The following ESRRG variants were observed in gnomAD, a reference collection of about 807,000 sequenced individuals.
ESRRG encodes estrogen-related receptor gamma.
In ESRRG, 13 loss-of-function variants were observed where a neutral mutation model predicts 44.0. The observed-to-expected ratio is 0.30, with a 90% confidence interval of 0.19 to 0.47. The LOEUF (loss-of-function observed/expected upper bound fraction) is 0.47, where lower values mean the gene tolerates loss of function less well. Ranked by LOEUF, ESRRG falls within the 20% of genes least tolerant of loss-of-function variation. The pLI, the probability that ESRRG is intolerant of heterozygous loss-of-function variation, is 1.00. For synonymous variants in ESRRG, 215 were observed against 214.6 expected, an observed-to-expected ratio of 1.00 and a Z score of -0.02; for missense variants, 395 against 580.6, an observed-to-expected ratio of 0.68 and a Z score of 3.29.
chr1:217,044,032 AGT>A (rs776756464), intron 1 of ESRRG, among the ~76,000 whole-genome samples: 99 of 152,322 alleles, frequency 6.5e-4, no homozygotes, highest in Non-Finnish European at 1.2e-3. Context: ...AGAAAAAAAA[AGT>A]GTGGATCATT....
chr1:217,031,209 G>A (rs554381486), intron 1 of ESRRG, among the ~76,000 whole-genome samples: 8 of 152,196 alleles, frequency 5.3e-5, no homozygotes, highest in South Asian at 2.1e-4. Flanking sequence ...TTACTATCTC[G>A]CCCTTTACAA....
At chr1:216,649,040 C>A (rs982105547) in intron 3 of ESRRG, among the ~76,000 whole-genome samples, 1 of 152,078 alleles carries the variant, frequency 6.6e-6, no homozygotes, top group East Asian at 1.9e-4. Flanking sequence ...ATAAAGAGCT[C>A]CACTTCACAA....
At chr1:216,533,179 C>A (rs1314716737) in intron 5 of ESRRG, among the ~76,000 whole-genome samples, 2 of 151,866 alleles carry the variant, frequency 1.3e-5, no homozygotes, top group East Asian at 3.9e-4. Flanking sequence ...ACTTTAGTTT[C>A]TGTTATTATT....
At chr1:217,073,982 TA>T (rs1018271644) in intron 1 of ESRRG, among the ~76,000 whole-genome samples, 1 of 152,112 alleles carries the variant, frequency 6.6e-6, no homozygotes, top group Admixed American at 6.5e-5. Context: ...TACTGCTTTT[TA>T]GTATATATGA....
intron 2 of ESRRG, among the ~76,000 whole-genome samples, chr1:216,745,037 C>T (rs1223280840): frequency 6.6e-6 from 1 of 152,148 alleles, no homozygotes; most frequent in Admixed American, 6.5e-5. Flanking sequence ...AGCCCAGGGT[C>T]TCAATTTTTC....
intron 2 of ESRRG, 46 bp downstream of exon 2, chr1:216,677,030 A>G: frequency 1.4e-6 from 2 of 1,450,404 alleles, no homozygotes; most frequent in Non-Finnish European, 1.9e-6. Context: ...AAAACCCATC[A>G]TGTGAGGTTG....
chr1:216,584,802 G>A (rs964244619), intron 3 of ESRRG, among the ~76,000 whole-genome samples: 2 of 152,146 alleles, frequency 1.3e-5, no homozygotes, highest in Non-Finnish European at 2.9e-5. Flanking sequence ...ATAGAGCTCA[G>A]CTCTATAATT....
chr1:217,079,092 C>T (rs971083648), intron 1 of ESRRG, among the ~76,000 whole-genome samples: 1 of 152,088 alleles, frequency 6.6e-6, no homozygotes, highest in African/African-American at 2.4e-5. Context: ...AAATTCTAGA[C>T]CTTACCAACT....
chr1:216,826,201 A>AC (rs1553632246), intron 2 of ESRRG, among the ~76,000 whole-genome samples: 21 of 149,352 alleles, frequency 1.4e-4, no homozygotes, highest in South Asian at 2.1e-4. Flanking sequence ...AAAAAAAAAA[A>AC]AACACACACA....
intron 1 of ESRRG, among the ~76,000 whole-genome samples, chr1:216,971,837 T>C (rs1363348607): frequency 6.6e-6 from 1 of 152,210 alleles, no homozygotes; most frequent in African/African-American, 2.4e-5. Flanking sequence ...TTGTCTTCTT[T>C]TAATTGAAAT....
At chr1:216,936,862 G>A (rs2064229071) in intron 2 of ESRRG, among the ~76,000 whole-genome samples, 1 of 152,014 alleles carries the variant, frequency 6.6e-6, no homozygotes. Flanking sequence ...TTGCCACCTT[G>A]CACCCTTTCT....
At chr1:216,901,950 ATG>A (rs2059129038) in intron 2 of ESRRG, among the ~76,000 whole-genome samples, 1 of 151,884 alleles carries the variant, frequency 6.6e-6, no homozygotes, top group Non-Finnish European at 1.5e-5. Context: ...TTTTATAGAG[ATG>A]GAATCTCACT....
chr1:216,604,953 G>A (rs961562953), intron 3 of ESRRG, among the ~76,000 whole-genome samples: 5 of 152,142 alleles, frequency 3.3e-5, no homozygotes, highest in African/African-American at 7.2e-5. Flanking sequence ...TAGCTTTAGG[G>A]CTTCTTTGGC....
Position 216,507,178 on chromosome 1 carries a change from T to C in ESRRG, c.1138A>G (p.Met380Val). 9 of 1,605,572 alleles carry C rather than the reference T, an allele frequency of 5.6e-6. No individual in the cohort carries two copies. Among genetic ancestry groups the C allele is most frequent in the Non-Finnish European group, 6.8e-6 (8 of 1,175,226 alleles). The change falls in exon 7 of 7, where the codon ATG (methionine) becomes GTG (valine). Residue 380 changes from methionine (M) to valine (V), a missense_variant. Physicochemically the swap from Met to Val is conservative, Grantham distance 21. Coordinates refer to ENST00000408911, the MANE Select transcript of ESRRG (RefSeq NM_001438.4). ...ACGGCTTCAACATCTTCTATGTGCA[T>C]GGAGTCTGTGCAATGAAGCAAAAGA... Reference protein sequence around the residue: ...KAIALANSDSMHIEDVEAVQK... With the variant: ...KAIALANSDSVHIEDVEAVQK...
At chr1:216,787,751 A>AG (rs1342011036) in intron 2 of ESRRG, among the ~76,000 whole-genome samples, 3 of 152,120 alleles carry the variant, frequency 2.0e-5, no homozygotes, top group African/African-American at 7.2e-5. Flanking sequence ...GCCATAAGCT[A>AG]GGCTTCTTGC....
intron 1 of ESRRG, among the ~76,000 whole-genome samples, chr1:217,050,450 G>A (rs777588883): frequency 3.9e-5 from 6 of 152,182 alleles, no homozygotes; most frequent in African/African-American, 7.2e-5. Context: ...TTGAACAAGA[G>A]GAGCCAGGCA....
chr1:216,881,655 A>C (rs2096450482), intron 2 of ESRRG, among the ~76,000 whole-genome samples: 1 of 152,150 alleles, frequency 6.6e-6, no homozygotes, highest in Admixed American at 6.5e-5. Context: ...ACAACAAAAA[A>C]TGGGATTCAT....
At chr1:216,706,933 C>A (rs950384675) in intron 1 of ESRRG, among the ~76,000 whole-genome samples, 5 of 152,178 alleles carry the variant, frequency 3.3e-5, no homozygotes, top group Non-Finnish European at 7.3e-5. Context: ...AAACAGAGAA[C>A]TGCTTTGAAT....
At chr1:216,652,469 A>G (rs2069241203) in intron 2 of ESRRG, among the ~76,000 whole-genome samples, 1 of 151,892 alleles carries the variant, frequency 6.6e-6, no homozygotes, top group Admixed American at 6.6e-5. Flanking sequence ...ACTACTGAAA[A>G]CTGGTTAAGT....
Sources: gnomAD v4.1 joint callset for allele counts (sites outside exome capture counted in the v4.1 genomes callset) on GRCh38, gnomAD v4.1.1 for gene constraint, MANE v1.5 for transcripts, NCBI Gene and HGNC (gene_info 2026-07-23, HGNC 2026-07-21) for gene names.